NLGN1: variants seen among roughly 807,000 people sequenced by gnomAD.
The protein encoded by NLGN1 is neuroligin 1, also known as neuroligin-1.
Under a neutral mutation model 65.5 loss-of-function variants are expected in NLGN1, and 12 were observed. The ratio of observed to expected loss-of-function variants is 0.18; its 90% CI spans 0.12 to 0.30. NLGN1 has a LOEUF of 0.30. NLGN1 is among the 10% of genes least tolerant of loss of function. The probability of loss-of-function intolerance (pLI) is 1.00; values close to 1 mark genes in which losing one functional copy is unlikely to be tolerated. For synonymous variants in NLGN1, 350 were observed against 359.5 expected (o/e 0.97, Z 0.30); for missense variants, 750 against 1,007.1 (o/e 0.74, Z 3.46).
intron 3 of NLGN1, among the ~76,000 whole-genome samples, chr3:173,613,237 T>A (rs1257693794): frequency 1.3e-5 from 2 of 152,070 alleles, no homozygotes; most frequent in African/African-American, 4.8e-5. Flanking sequence ...ATTATGTCTA[T>A]TTTAAATGTT....
At chr3:174,272,660 TGG>T (rs1561444834) in intron 4 of NLGN1, among the ~76,000 whole-genome samples, 15,127 of 124,484 alleles carry the variant, frequency 0.12, 872 homozygotes, top group Middle Eastern at 0.2. Context: ...GATGGATGGA[TGG>T]ATGGATAGAT....
intron 2 of NLGN1, among the ~76,000 whole-genome samples, chr3:173,603,147 C>G (rs16828227): frequency 0.011 from 1,715 of 152,174 alleles, 36 homozygotes; most frequent in African/African-American, 0.039. Flanking sequence ...GCAATCTTCC[C>G]ATAATATACA....
chr3:174,258,118 A>C (rs1746154919), intron 4 of NLGN1, among the ~76,000 whole-genome samples: 1 of 152,058 alleles, frequency 6.6e-6, no homozygotes, highest in South Asian at 2.1e-4. Context: ...TTCTTGTAAA[A>C]TTGCTGTATT....
At position 173,762,616 on chromosome 3, in the gene NLGN1, A is replaced by T. The variant is rs116139131; in HGVS notation, c.494-45064A>T. ...ACTACACAATGAGCCTACCTAAGGC[A>T]TTCTCTAGTTATGGTATACATTATT... On this transcript the variant is annotated intron_variant, in intron 3 of 6. Transcript: ENST00000457714. Among the ~76,000 whole-genome samples the T allele has an allele frequency of 3.0e-3, 461 of 152,166 alleles. 5 individuals carry two copies. Among genetic ancestry groups the T allele is most frequent in the African/African-American group, 0.01 (425 of 41,538 alleles).
At chr3:173,656,061 C>T (rs1251665510) in intron 3 of NLGN1, among the ~76,000 whole-genome samples, 1 of 152,038 alleles carries the variant, frequency 6.6e-6, no homozygotes, top group Non-Finnish European at 1.5e-5. Context: ...TTGATGTACA[C>T]CCTATGTAAA....
intron 4 of NLGN1, among the ~76,000 whole-genome samples, chr3:173,886,914 G>T (rs1276442543): frequency 6.6e-6 from 1 of 151,890 alleles, no homozygotes; most frequent in Non-Finnish European, 1.5e-5. Flanking sequence ...GCGAGTTCAA[G>T]AAAAAATTGA....
chr3:173,930,423 C>T (rs1223814231), intron 4 of NLGN1, among the ~76,000 whole-genome samples: 1 of 152,120 alleles, frequency 6.6e-6, no homozygotes, highest in African/African-American at 2.4e-5. Context: ...TGTAAAACTG[C>T]AGCCCGCTGT....
intron 4 of NLGN1, among the ~76,000 whole-genome samples, chr3:174,051,259 T>A (rs550638927): frequency 6.6e-6 from 1 of 152,168 alleles, no homozygotes; most frequent in South Asian, 2.1e-4. Flanking sequence ...CGTATTATGA[T>A]GTTGATTTGT....
intron 2 of NLGN1, among the ~76,000 whole-genome samples, chr3:173,590,021 GT>G (rs1748196562): frequency 6.6e-6 from 1 of 152,016 alleles, no homozygotes; most frequent in Non-Finnish European, 1.5e-5. Context: ...ATTAGTAAAA[GT>G]TTTTTTCCAT....
chr3:173,784,780 A>T (rs1017118986), intron 3 of NLGN1, among the ~76,000 whole-genome samples: 1 of 152,206 alleles, frequency 6.6e-6, no homozygotes, highest in African/African-American at 2.4e-5. Context: ...AGATTTGTAA[A>T]TATATACAAC....
At chr3:174,229,414 G>A (rs925408210) in intron 4 of NLGN1, among the ~76,000 whole-genome samples, 3 of 151,856 alleles carry the variant, frequency 2.0e-5, no homozygotes, top group African/African-American at 7.3e-5. Context: ...TTCTCTTTCC[G>A]CATCTCCATA....
chr3:173,625,600 CATTAACTGTTT>C (rs1300941056), intron 3 of NLGN1, among the ~76,000 whole-genome samples: 1 of 152,068 alleles, frequency 6.6e-6, no homozygotes, highest in African/African-American at 2.4e-5. Context: ...AGTTACAAAT[CATTAACTGTTT>C]ATTAAATAAC....
At chr3:173,435,604 G>C (rs1055402198) in intron 2 of NLGN1, among the ~76,000 whole-genome samples, 3 of 152,178 alleles carry the variant, frequency 2.0e-5, no homozygotes, top group Non-Finnish European at 2.9e-5. Flanking sequence ...GGAGACTGAG[G>C]TGGGGGCATA....
At position 173,765,051 on chromosome 3, in the gene NLGN1, CATGT is replaced by C. The variant is rs760439884; in HGVS notation, c.494-42628_494-42625del. 1.6e-4 allele frequency among the ~76,000 whole-genome samples: 14 copies of C among 88,066 alleles called. 1 individual carries two copies. The highest frequency in any genetic ancestry group is 8.6e-4 in the South Asian group (2 of 2,318). 57.8% of individuals were successfully genotyped at this position (88,066 alleles called of 152,430 possible). On this transcript the variant is annotated intron_variant, in intron 3 of 6. Transcript: ENST00000457714. ...CAGAAATTGCTAATTGCTGTGGGTG[CATGT>C]GTGTGTGTGTGTGTGTGTGTGTGTG...
intron 3 of NLGN1, among the ~76,000 whole-genome samples, chr3:173,721,794 A>C (rs770689999): frequency 3.3e-5 from 5 of 152,204 alleles, no homozygotes; most frequent in Non-Finnish European, 7.3e-5. Context: ...CCACTAGCAC[A>C]TGACTTATTC....
intron 4 of NLGN1, among the ~76,000 whole-genome samples, chr3:174,198,905 A>G (rs546468334): frequency 4.4e-5 from 6 of 136,298 alleles, no homozygotes; most frequent in Non-Finnish European, 7.6e-5. Flanking sequence ...CTGGAGTGCA[A>G]TGCACTGTCT....
chr3:174,098,645 A>G (rs899569341), intron 4 of NLGN1, among the ~76,000 whole-genome samples: 5 of 152,236 alleles, frequency 3.3e-5, no homozygotes, highest in Middle Eastern at 6.8e-3. Flanking sequence ...AAATCACCTG[A>G]TGGTCTTGTT....
At chr3:173,571,109 T>C (rs911610560) in intron 2 of NLGN1, among the ~76,000 whole-genome samples, 3 of 152,164 alleles carry the variant, frequency 2.0e-5, no homozygotes, top group African/African-American at 7.2e-5. Context: ...TAAGGAAAAA[T>C]AGCAGTGTTT....
intron 4 of NLGN1, among the ~76,000 whole-genome samples, chr3:173,844,418 A>G (rs532279584): frequency 9.6e-4 from 146 of 152,294 alleles, no homozygotes; most frequent in African/African-American, 3.4e-3. Context: ...GGTCAGGTCT[A>G]TCTGTAGGAT....
Sources: gnomAD v4.1 joint callset for allele counts (sites outside exome capture counted in the v4.1 genomes callset) on GRCh38, gnomAD v4.1.1 for gene constraint, MANE v1.5 for transcripts, NCBI Gene and HGNC (gene_info 2026-07-23, HGNC 2026-07-21) for gene names.